Variants in HMGB3 observed in about 807,000 individuals in gnomAD.
HMGB3 encodes high mobility group box 3, also known as high mobility group protein B3.
HMGB3 carries 1 observed loss-of-function variant against 12.9 expected under a neutral mutation model. The ratio of observed to expected loss-of-function variants is 0.08; its 90% CI spans 0.03 to 0.37. The LOEUF is 0.37. Among genes scored for constraint, HMGB3 ranks in the 10% least tolerant of loss-of-function variants. The pLI is 0.99. For synonymous variants in HMGB3, 61 were observed against 53.9 expected, an observed-to-expected ratio of 1.13 and a Z score of -0.57; for missense variants, 74 against 153.3, an observed-to-expected ratio of 0.48 and a Z score of 2.73.
rs1433462364 is a variant in HMGB3 at position 150,990,199 on chromosome X, C to T, written c.*2285C>T. ...AGGGAGTGATTTGTTAAGTGGTGCGCGTCTATCTCATAACTAGATGTACCA... is the reference window on the plus strand; with the variant it reads ...AGGGAGTGATTTGTTAAGTGGTGCGTGTCTATCTCATAACTAGATGTACCA... On this transcript the variant is annotated 3_prime_UTR_variant, in exon 5 of 5. Coordinates refer to ENST00000325307, the MANE Select transcript of HMGB3 (RefSeq NM_005342.4). The T allele has an allele frequency of 1.8e-5, 2 of 111,903 alleles. No individual in the cohort carries two copies. The highest frequency in any genetic ancestry group is 6.5e-5 in the African/African-American group (2 of 30,802). 9.2% of individuals were successfully genotyped at this position (111,903 alleles called of 1,213,427 possible). A position where few individuals can be genotyped will look rare whatever the true frequency, so the allele number is the denominator to read the frequency against.
chrX:150,983,440 G>A (rs868922478), intron 1 of HMGB3, 64 bp downstream of exon 1: 2 of 516,126 alleles, frequency 3.9e-6, no homozygotes, highest in East Asian at 2.8e-4. Context: ...CGCCGCCGCC[G>A]CCGCCGCCGC....
rs782561570 is a variant in HMGB3 at position 150,990,624 on chromosome X, C to T, written c.*2710C>T. On this transcript the variant is annotated 3_prime_UTR_variant, in exon 5 of 5. Transcript: ENST00000325307. ...ACCACCTCACCCCATTCTTGAATGACATTTTATCCTTCGGAAAGAACAAGG... is the reference window on the plus strand; with the variant it reads ...ACCACCTCACCCCATTCTTGAATGATATTTTATCCTTCGGAAAGAACAAGG... 5 of 108,909 alleles carry T rather than the reference C, an allele frequency of 4.6e-5. No homozygotes were observed. The highest frequency in any genetic ancestry group is 9.9e-5 in the Admixed American group (1 of 10,150). 9.0% of individuals were successfully genotyped at this position (108,909 alleles called of 1,213,427 possible).
At position 150,988,020 on chromosome X, in the gene HMGB3, C is replaced by T. The variant is rs2048072751; in HGVS notation, c.*106C>T. 4 of 1,006,622 alleles carry T rather than the reference C, an allele frequency of 4.0e-6. No homozygotes were observed. The highest frequency in any genetic ancestry group is 5.3e-6 in the Non-Finnish European group (4 of 756,315). 83.0% of individuals were successfully genotyped at this position (1,006,622 alleles called of 1,213,427 possible). A position where few individuals can be genotyped will look rare whatever the true frequency, so the allele number is the denominator to read the frequency against. On this transcript the variant is annotated 3_prime_UTR_variant, in exon 5 of 5. Transcript: ENST00000325307. ...CTGTTGCCCTCATTAGGTTTAATTA[C>T]AAAATTTGATCACGATCATATTGTA...
At chrX:150,984,660 G>C in intron 1 of HMGB3, 1 of 562,101 alleles carries the variant, frequency 1.8e-6, no homozygotes, top group Non-Finnish European at 2.2e-6. Flanking sequence ...CCGGCACGGG[G>C]GCCGAGGCGG....
In HMGB3 at chrX:150,989,357, A is replaced by T. The variant is rs1182568069; in HGVS notation, c.*1443A>T. 1 of 111,051 alleles carries T rather than the reference A, an allele frequency of 9.0e-6. No individual in the cohort carries two copies. Among genetic ancestry groups the T allele is most frequent in the Non-Finnish European group, 1.9e-5 (1 of 53,023 alleles). 9.2% of individuals were successfully genotyped at this position (111,051 alleles called of 1,213,427 possible). A position where few individuals can be genotyped will look rare whatever the true frequency, so the allele number is the denominator to read the frequency against. ...AACACCAAACACCCCAAGGAAGATG[A>T]TAGGCTCCATCTTGGGCCACCTGAG... On this transcript the variant is annotated 3_prime_UTR_variant, in exon 5 of 5. Coordinates refer to ENST00000325307, the MANE Select transcript of HMGB3 (RefSeq NM_005342.4).
At position 150,987,178 on chromosome X, in the gene HMGB3, C is replaced by T; in HGVS notation, c.341C>T (p.Thr114Ile). 4.1e-6 allele frequency: 5 copies of T among 1,207,930 alleles called. No homozygotes were observed. Among genetic ancestry groups the T allele is most frequent in the Non-Finnish European group, 3.4e-6 (3 of 892,358 alleles). ...GAATTCCGCCCCAAGATCAAATCCA[C>T]AAACCCCGGCATCTCTATTGGAGAC... is the stretch of plus-strand genomic sequence containing the variant. ...CSEFRPKIKS[T>I]NPGISIGDVA... Residue 114 changes from threonine (T) to isoleucine (I), a missense_variant, in exon 4 of 5, where the codon ACA becomes ATA. Thr to Ile is a moderately conservative substitution (Grantham distance 89). Around this residue, in one of 2 missense-constraint regions of HMGB3, gnomAD observed 45 missense variants for 123.8 expected, o/e 0.36. Coordinates refer to ENST00000325307, the MANE Select transcript of HMGB3 (RefSeq NM_005342.4).
intron 1 of HMGB3, among the ~76,000 whole-genome samples, chrX:150,985,007 CG>C (rs1557425197): frequency 8.9e-6 from 1 of 111,740 alleles, no homozygotes; most frequent in Non-Finnish European, 1.9e-5. Context: ...ACTAATAGTA[CG>C]GGGGTACCTG....
intron 2 of HMGB3, 55 bp downstream of exon 2, chrX:150,985,804 G>T (rs782574701): frequency 9.6e-7 from 1 of 1,037,949 alleles, no homozygotes; most frequent in African/African-American, 1.9e-5. Context: ...TTACTTTGGG[G>T]TTACTTACCT....
At position 150,990,168 on chromosome X, in the gene HMGB3, G is replaced by T. The variant is rs1441821842; in HGVS notation, c.*2254G>T. 8.9e-6 allele frequency: 1 copy of T among 112,118 alleles called. No homozygotes were observed. The highest frequency in any genetic ancestry group is 1.9e-5 in the Non-Finnish European group (1 of 53,282). The allele number at this position is 112,118 out of a possible 1,213,427, so 9.2% of individuals were successfully genotyped here. A position where few individuals can be genotyped will look rare whatever the true frequency, so the allele number is the denominator to read the frequency against. ...AAATATGGAAGAGAAACAACCTGCG[G>T]TCAAAAGGGAGTGATTTGTTAAGTG... On this transcript the variant is annotated 3_prime_UTR_variant, in exon 5 of 5. Coordinates refer to ENST00000325307, the MANE Select transcript of HMGB3 (RefSeq NM_005342.4).
In HMGB3 at chrX:150,988,534, G is replaced by A. The variant is rs1432427211; in HGVS notation, c.*620G>A. 1 of 97,174 alleles carries A rather than the reference G, an allele frequency of 1.0e-5. No homozygotes were observed. Among genetic ancestry groups the A allele is most frequent in the Non-Finnish European group, 2.0e-5 (1 of 49,091 alleles). The allele number at this position is 97,174 out of a possible 1,213,427, so 8.0% of individuals were successfully genotyped here. A position where few individuals can be genotyped will look rare whatever the true frequency, so the allele number is the denominator to read the frequency against. ...CTGCCATCTTAGCTGTGGACAAAGG[G>A]GGGTCAGCTGGCATGAGAATATTTT... On this transcript the variant is annotated 3_prime_UTR_variant, in exon 5 of 5. Transcript: ENST00000325307.
chrX:150,987,080 A>G (rs1165954315), intron 3 of HMGB3, 48 bp from the exon 4 acceptor site: 21 of 1,039,914 alleles, frequency 2.0e-5, no homozygotes, highest in Non-Finnish European at 2.6e-5. Context: ...TTCAACTTTA[A>G]CTCAAATTTT....
At chrX:150,980,869 T>C (rs2047988794), upstream of HMGB3, among the ~76,000 whole-genome samples, 1 of 112,697 alleles carries the variant, frequency 8.9e-6, no homozygotes, top group Admixed American at 9.3e-5. Context: ...GTGTGACCCT[T>C]GTCATCCATC....
chrX:150,990,630 A>G lies in HMGB3; in HGVS notation c.*2716A>G, dbSNP rs192467575. ...TCACCCCATTCTTGAATGACATTTT[A>G]TCCTTCGGAAAGAACAAGGCTGTGA... On this transcript the variant is annotated 3_prime_UTR_variant, in exon 5 of 5. Coordinates refer to ENST00000325307, the MANE Select transcript of HMGB3 (RefSeq NM_005342.4). 3 of 108,176 alleles carry G rather than the reference A, an allele frequency of 2.8e-5. No homozygotes were observed. The Admixed American group carries it at 3.0e-4, about 11-fold the overall frequency. 8.9% of individuals were successfully genotyped at this position (108,176 alleles called of 1,213,427 possible).
rs1411316268 is a variant in HMGB3, at chrX:150,988,803, A to C, written c.*889A>C. ...TATTATAACAGTCAATTTCTGACTCACAGCAGTGAACAAACCCCCACTCCA... is the reference window on the plus strand; with the variant it reads ...TATTATAACAGTCAATTTCTGACTCCCAGCAGTGAACAAACCCCCACTCCA... On this transcript the variant is annotated 3_prime_UTR_variant, in exon 5 of 5. Coordinates refer to ENST00000325307, the MANE Select transcript of HMGB3 (RefSeq NM_005342.4). 4 of 112,349 alleles carry C rather than the reference A, an allele frequency of 3.6e-5. No individual in the cohort carries two copies. Among genetic ancestry groups the C allele is most frequent in the African/African-American group, 6.5e-5 (2 of 30,863 alleles). 9.3% of individuals were successfully genotyped at this position (112,349 alleles called of 1,213,427 possible).
Position 150,990,464 on chromosome X carries a change from T to A in HMGB3, c.*2550T>A, listed in dbSNP as rs1557425365. On this transcript the variant is annotated 3_prime_UTR_variant, in exon 5 of 5. Coordinates refer to ENST00000325307, the MANE Select transcript of HMGB3 (RefSeq NM_005342.4). ...TAATGCCCTAGTTTCTCTGAGATGA[T>A]GTAAGTGGCATGATGTTACCTAAGG... 1 of 111,796 alleles carries A rather than the reference T, an allele frequency of 8.9e-6. No individual in the cohort carries two copies. The highest frequency in any genetic ancestry group is 3.3e-5 in the African/African-American group (1 of 30,737). 9.2% of individuals were successfully genotyped at this position (111,796 alleles called of 1,213,427 possible). A position where few individuals can be genotyped will look rare whatever the true frequency, so the allele number is the denominator to read the frequency against.
intron 2 of HMGB3, 46 bp from the exon 3 acceptor site, chrX:150,986,005 A>G (rs782016964): frequency 4.9e-5 from 58 of 1,172,196 alleles, no homozygotes; most frequent in Non-Finnish European, 5.7e-5. Context: ...CTGAATAGGT[A>G]TGTGTTCACT....
intron 1 of HMGB3, 22 bp downstream of exon 1, chrX:150,983,398 C>CCCGCCGCCGCCGCCGCCGCCGCCGCCG (rs782215936): frequency 4.2e-5 from 25 of 602,261 alleles, no homozygotes; most frequent in African/African-American, 2.3e-4. Context: ...ACCGCCCGCT[C>CCCGCCGCCGCCGCCGCCGCCGCCGCCG]CCGCCGCCGC....
chrX:150,982,046 G>A (rs1329230218), upstream of HMGB3, among the ~76,000 whole-genome samples: 1 of 112,077 alleles, frequency 8.9e-6, no homozygotes, highest in Non-Finnish European at 1.9e-5. Context: ...CCAAACTCAT[G>A]ACATCTCTTC....
intron 1 of HMGB3, chrX:150,983,606 C>A: frequency 2.7e-6 from 2 of 751,441 alleles, no homozygotes; most frequent in Non-Finnish European, 3.1e-6. Flanking sequence ...TTCAACTTTT[C>A]CAACGCGTTC....
Sources: allele counts gnomAD v4.1 joint callset (sites outside exome capture counted in the v4.1 genomes callset), GRCh38; gene constraint gnomAD v4.1.1; regional missense constraint gnomAD v4.1.1; transcripts MANE v1.5; gene names NCBI Gene and HGNC (gene_info 2026-07-23, HGNC 2026-07-21).